The following ARHGAP35 variants were observed in gnomAD, a reference collection of about 807,000 sequenced individuals.
The protein encoded by ARHGAP35 is rho GTPase-activating protein 35.
In ARHGAP35, 15 loss-of-function variants were observed where a neutral mutation model predicts 111.1. The observed-to-expected ratio is 0.13, with a 90% CI of 0.09 to 0.21. The LOEUF is 0.21. Among genes scored for constraint, ARHGAP35 ranks in the 10% least tolerant of loss-of-function variants. The pLI is 1.00. For synonymous variants in ARHGAP35, 643 were observed against 710.3 expected, an observed-to-expected ratio of 0.91 and a Z score of 1.51; for missense variants, 1,262 against 1,873.0, an observed-to-expected ratio of 0.67 and a Z score of 6.02.
chr19:46,996,880 G>A (rs551072428), intron 5 of ARHGAP35, among the ~76,000 whole-genome samples: 23 of 152,306 alleles, frequency 1.5e-4, no homozygotes, highest in South Asian at 1.0e-3. Context: ...GCCCATGGCC[G>A]GGTGCGGTGG....
In ARHGAP35 at chr19:46,922,449, G is replaced by T. The variant is rs2056209126; in HGVS notation, c.3681+93G>T. 8.0e-6 allele frequency: 10 copies of T among 1,252,054 alleles called. No individual in the cohort carries two copies. The highest frequency in any genetic ancestry group is 1.1e-6 in the Non-Finnish European group (1 of 945,920). The allele number at this position is 1,252,054 out of a possible 1,614,324, so 77.6% of individuals were successfully genotyped here. A position where few individuals can be genotyped will look rare whatever the true frequency, so the allele number is the denominator to read the frequency against. On this transcript the variant is annotated intron_variant, in intron 2 of 6. Coordinates refer to ENST00000672722, the MANE Select transcript of ARHGAP35 (RefSeq NM_004491.5). The surrounding 1 kb of genome is among the most constrained non-coding windows in gnomAD (Gnocchi z 4.0). ...GATTTTTCAAGGACAACCTATTCTG[G>T]TAAAAAAAAAACTGCCCTGTGTGTG...
intron 2 of ARHGAP35, among the ~76,000 whole-genome samples, chr19:46,925,292 G>A (rs1020328114): frequency 1.3e-5 from 2 of 152,174 alleles, no homozygotes; most frequent in Admixed American, 6.5e-5. Context: ...ATCCTTTGCC[G>A]CTAGAGCAAA....
intron 3 of ARHGAP35, among the ~76,000 whole-genome samples, chr19:46,955,727 A>G (rs559767505): frequency 6.6e-6 from 1 of 152,260 alleles, no homozygotes; most frequent in East Asian, 1.9e-4. Flanking sequence ...CTTACTCAGC[A>G]TTTAAATAAC....
At position 46,999,174 on chromosome 19, in the gene ARHGAP35, G is replaced by A; in HGVS notation, c.4037-130G>A. ...GCCAGCCTTGGGCACAGGCTTTGGG[G>A]GAAAGAGTGGGGTTAGTGTCATCCA... On this transcript the variant is annotated intron_variant, in intron 5 of 6. Coordinates refer to ENST00000672722, the MANE Select transcript of ARHGAP35 (RefSeq NM_004491.5). This position sits in a 1 kb window ranked among gnomAD's most constrained non-coding sequence, Gnocchi z 5.4. The A allele has an allele frequency of 1.6e-6, 1 of 643,522 alleles. No homozygotes were observed. The highest frequency in any genetic ancestry group is 2.7e-6 in the Non-Finnish European group (1 of 365,824). The allele number at this position is 643,522 out of a possible 1,614,324, so 39.9% of individuals were successfully genotyped here. A position where few individuals can be genotyped will look rare whatever the true frequency, so the allele number is the denominator to read the frequency against.
chr19:46,926,917 A>G lies in ARHGAP35; in HGVS notation c.3681+4561A>G, dbSNP rs531616130. On this transcript the variant is annotated intron_variant, in intron 2 of 6. Transcript: ENST00000672722. The surrounding 1 kb of genome is among the most constrained non-coding windows in gnomAD (Gnocchi z 4.1). ...AGTGTGAATAAAAACCAGCTGGGGA[A>G]TTGGACTGCTTGCTCCCCTGGGAGG... is the stretch of plus-strand genomic sequence containing the variant. Among the ~76,000 whole-genome samples, 30 of 152,344 alleles carry G rather than the reference A, an allele frequency of 2.0e-4. No individual in the cohort carries two copies. Among genetic ancestry groups the G allele is most frequent in the Non-Finnish European group, 4.1e-4 (28 of 68,040 alleles).
chr19:46,964,551 C>A (rs1249671187), intron 3 of ARHGAP35, among the ~76,000 whole-genome samples: 1 of 152,222 alleles, frequency 6.6e-6, no homozygotes, highest in Non-Finnish European at 1.5e-5. Context: ...AGCCAGCATG[C>A]GCAGCCAGTG....
At chr19:46,985,839 C>A (rs1007833046) in intron 3 of ARHGAP35, among the ~76,000 whole-genome samples, 1 of 152,086 alleles carries the variant, frequency 6.6e-6, no homozygotes, top group Non-Finnish European at 1.5e-5. Context: ...AGCTTTTAAG[C>A]CAGAGAATTG....
Position 46,986,076 on chromosome 19 carries a change from T to C in ARHGAP35, c.3827-1913T>C, listed in dbSNP as rs111367393. The stretch of plus-strand genomic sequence containing the variant: ...GGCAGCACCCACAGTGCTTCCTCTG[T>C]GCACCTTCAGCAAGACAGAGTCGCT... On this transcript the variant is annotated intron_variant, in intron 3 of 6. Coordinates refer to ENST00000672722, the MANE Select transcript of ARHGAP35 (RefSeq NM_004491.5). The surrounding 1 kb of genome is among the most constrained non-coding windows in gnomAD (Gnocchi z 4.3). Among the ~76,000 whole-genome samples the C allele has an allele frequency of 4.1e-3, 619 of 152,302 alleles. 11 individuals are homozygous for C. Among genetic ancestry groups the C allele is most frequent in the African/African-American group, 0.014 (594 of 41,576 alleles).
rs1259316003 is a variant in ARHGAP35 at position 46,993,099 on chromosome 19, C to T, written c.4036+3424C>T. Among the ~76,000 whole-genome samples, 1 of 152,224 alleles carries T rather than the reference C, an allele frequency of 6.6e-6. No homozygotes were observed. The highest frequency in any genetic ancestry group is 1.5e-5 in the Non-Finnish European group (1 of 68,036). On this transcript the variant is annotated intron_variant, in intron 5 of 6. Coordinates refer to ENST00000672722, the MANE Select transcript of ARHGAP35 (RefSeq NM_004491.5). The surrounding 1 kb of genome is among the most constrained non-coding windows in gnomAD (Gnocchi z 4.6). ...GCACACACATATGTGGTCCCAGGCT[C>T]AGTCTGGTGGGACAGGACATTCAAC...
intron 1 of ARHGAP35, among the ~76,000 whole-genome samples, chr19:46,888,880 G>T (rs976050553): frequency 6.6e-6 from 1 of 150,776 alleles, no homozygotes; most frequent in Admixed American, 6.6e-5. Flanking sequence ...GTGGTGGCAC[G>T]TGCCTGTAGT....
rs575307927 is a variant in ARHGAP35, at chr19:46,926,453, T to C, written c.3681+4097T>C. On this transcript the variant is annotated intron_variant, in intron 2 of 6. Transcript: ENST00000672722. This position sits in a 1 kb window ranked among gnomAD's most constrained non-coding sequence, Gnocchi z 4.1. ...GTGCCATGCGTTTGCAAAGACGAGA[T>C]CAGGATCGGCAGGGTCTTATTTTAA... Among the ~76,000 whole-genome samples the C allele has an allele frequency of 1.3e-5, 2 of 152,274 alleles. No individual in the cohort carries two copies. The highest frequency in any genetic ancestry group is 4.1e-4 in the South Asian group (2 of 4,828).
intron 3 of ARHGAP35, among the ~76,000 whole-genome samples, chr19:46,982,376 C>T (rs1301759080): frequency 6.6e-6 from 1 of 151,786 alleles, no homozygotes; most frequent in Non-Finnish European, 1.5e-5. Context: ...ACTCGGGAGG[C>T]TGAGCCATGA....
rs2056660186 is a variant in ARHGAP35, at chr19:46,987,996, C to T, written c.3834C>T (p.Ser1278=). 6.2e-7 allele frequency: 1 copy of T among 1,613,790 alleles called. No homozygotes were observed. Among genetic ancestry groups the T allele is most frequent in the South Asian group, 1.1e-5 (1 of 91,060 alleles). Residue 1278 remains serine, a synonymous_variant, in exon 4 of 7, where the codon AGC becomes AGT. Transcript: ENST00000672722. ...CIEYIEATGL[S]TEGIYRVSGN... The stretch of plus-strand genomic sequence containing the variant: ...CTGCCTGTTTCTCCTCAGGACTGAG[C>T]ACGGAAGGCATCTACCGGGTCAGCG...
intron 1 of ARHGAP35, among the ~76,000 whole-genome samples, chr19:46,862,740 G>T (rs575798679): frequency 6.6e-6 from 1 of 152,026 alleles, no homozygotes; most frequent in African/African-American, 2.4e-5. Context: ...TGGGGTTCTT[G>T]TCACTGTGTC....
At chr19:46,878,714 C>T (rs1186808420) in intron 1 of ARHGAP35, among the ~76,000 whole-genome samples, 1 of 152,158 alleles carries the variant, frequency 6.6e-6, no homozygotes, top group Non-Finnish European at 1.5e-5. Context: ...GGTCACAGCT[C>T]ACTGCAACCT....
At position 46,918,552 on chromosome 19, in the gene ARHGAP35, A is replaced by G. The variant is rs965460177; in HGVS notation, c.-124A>G. ...AGTGACCATACTGGTATACAACACT[A>G]TGGGACCTGGCATTTTTGCTGCATG... On this transcript the variant is annotated 5_prime_UTR_variant, in exon 2 of 7. It removes an upstream start codon present in the reference 5' UTR. Transcript: ENST00000672722. The surrounding 1 kb of genome is among the most constrained non-coding windows in gnomAD (Gnocchi z 5.4). 1.1e-6 allele frequency: 1 copy of G among 896,002 alleles called. No individual in the cohort carries two copies. The highest frequency in any genetic ancestry group is 1.8e-6 in the Non-Finnish European group (1 of 570,038). 55.5% of individuals were successfully genotyped at this position (896,002 alleles called of 1,614,324 possible).
intron 1 of ARHGAP35, among the ~76,000 whole-genome samples, chr19:46,907,739 A>G (rs376937907): frequency 2.0e-4 from 31 of 152,186 alleles, no homozygotes; most frequent in African/African-American, 7.2e-4. Flanking sequence ...TGCCTCCCAA[A>G]GTGCTGGGAT....
chr19:46,921,831 A>G lies in ARHGAP35; in HGVS notation c.3156A>G (p.Thr1052=). 1 of 1,614,006 alleles carries G rather than the reference A, an allele frequency of 6.2e-7. No homozygotes were observed. Among genetic ancestry groups the G allele is most frequent in the Non-Finnish European group, 8.5e-7 (1 of 1,179,890 alleles). ...AGCCTCCTGTCCATTTTGAAATTAC[A>G]AAGGGGGATCTATCTTATTTAGACC... ...KPKPPVHFEI[T]KGDLSYLDQG... Residue 1052 remains threonine (T), a synonymous_variant, in exon 2 of 7, where the codon ACA becomes ACG. Coordinates refer to ENST00000672722, the MANE Select transcript of ARHGAP35 (RefSeq NM_004491.5). This position sits in a 1 kb window ranked among gnomAD's most constrained non-coding sequence, Gnocchi z 4.3.
intron 1 of ARHGAP35, among the ~76,000 whole-genome samples, chr19:46,884,903 A>G (rs1182046167): frequency 6.6e-6 from 1 of 152,084 alleles, no homozygotes; most frequent in Non-Finnish European, 1.5e-5. Context: ...TTTTTAGTAG[A>G]CATGAGATCT....
Sources: gnomAD v4.1 joint callset for allele counts (sites outside exome capture counted in the v4.1 genomes callset) on GRCh38, gnomAD v4.1.1 for gene constraint, Gnocchi (gnomAD v3.1) non-coding constraint, MANE v1.5 for transcripts, NCBI Gene and HGNC (gene_info 2026-07-23, HGNC 2026-07-21) for gene names.